TRABD2A: variants seen among roughly 807,000 people sequenced by gnomAD.
TRABD2A encodes the protein metalloprotease TIKI1.
In TRABD2A, 43 loss-of-function variants were observed where a neutral mutation model predicts 45.6. That is an observed-to-expected ratio of 0.94 (90% CI 0.74 to 1.22). TRABD2A has a LOEUF of 1.22. Ranked by LOEUF, TRABD2A falls within the 50% of genes most tolerant of loss-of-function variation. TRABD2A has a pLI of 0.00. For missense variants in TRABD2A, 642 were observed against 652.4 expected (o/e 0.98, Z 0.17); for synonymous variants, 269 against 265.0 (o/e 1.02, Z -0.15).
chr2:84,845,603 A>G (rs962657385), intron 2 of TRABD2A, among the ~76,000 whole-genome samples: 2 of 152,132 alleles, frequency 1.3e-5, no homozygotes, highest in South Asian at 4.2e-4. Flanking sequence ...GCCAACTGTG[A>G]TCCTGAGTTA....
chr2:84,860,413 C>T (rs1453762320), intron 2 of TRABD2A, among the ~76,000 whole-genome samples: 16 of 152,172 alleles, frequency 1.1e-4, no homozygotes, highest in Admixed American at 1.0e-3. Flanking sequence ...GACGTGAAGA[C>T]AGAAGGAGAA....
chr2:84,823,778 T>A (rs1464285848), intron 6 of TRABD2A, among the ~76,000 whole-genome samples, 175 bp downstream of exon 6: 1 of 152,224 alleles, frequency 6.6e-6, no homozygotes, highest in Non-Finnish European at 1.5e-5. Context: ...GCAACTATCT[T>A]AAATCTGGAT....
intron 2 of TRABD2A, among the ~76,000 whole-genome samples, chr2:84,865,768 C>T (rs1035476929): frequency 4.6e-5 from 7 of 152,150 alleles, no homozygotes; most frequent in Non-Finnish European, 1.0e-4. Flanking sequence ...TCCATAGATG[C>T]CTGGTGATGT....
Position 84,872,000 on chromosome 2 carries a change from C to T in TRABD2A, c.109-1215G>A, listed in dbSNP as rs539033921. Among the ~76,000 whole-genome samples, 20 of 152,242 alleles carry T rather than the reference C, an allele frequency of 1.3e-4. 1 individual carries two copies. In the South Asian group the frequency reaches 1.7e-3, roughly 13 times the overall value. On this transcript the variant is annotated intron_variant, in intron 1 of 6. Coordinates refer to ENST00000409520, the MANE Select transcript of TRABD2A (RefSeq NM_001277053.2). ...CCAAGCAGTTGCACATGCTGAGCAG[C>T]GGTGCATGTTCGTCTGAAGCCAGGC...
intron 2 of TRABD2A, among the ~76,000 whole-genome samples, chr2:84,854,064 A>G (rs765733975): frequency 1.6e-4 from 24 of 148,902 alleles, no homozygotes; most frequent in Non-Finnish European, 2.8e-4. Context: ...ATATAAATAT[A>G]TATTATTTAT....
intron 2 of TRABD2A, among the ~76,000 whole-genome samples, chr2:84,857,673 C>T (rs543034262): frequency 1.3e-5 from 2 of 152,244 alleles, no homozygotes; most frequent in East Asian, 1.9e-4. Flanking sequence ...CATGAAGCAA[C>T]TCAATAAGTC....
At chr2:84,832,582 C>G in intron 4 of TRABD2A, 1 of 161,360 alleles carries the variant, frequency 6.2e-6, no homozygotes, top group Non-Finnish European at 1.4e-5. Flanking sequence ...GGTGGATCAC[C>G]TGAAGTCAGG....
At chr2:84,880,485 T>C (rs1205796482) in intron 1 of TRABD2A, among the ~76,000 whole-genome samples, 1 of 152,146 alleles carries the variant, frequency 6.6e-6, no homozygotes, top group Non-Finnish European at 1.5e-5. Flanking sequence ...GCACTGAACA[T>C]ATGAAGGTTA....
rs1250921235 is a variant in TRABD2A, at chr2:84,839,151, G to A, written c.989C>T (p.Ala330Val). Reference protein sequence around the residue: ...PDKGFFFAFGAGHFMGNNTVL... With the variant: ...PDKGFFFAFGVGHFMGNNTVL... ...ATCAGAGGTGACCCACTACTCACCA[G>A]CTCCAAAGGCAAAGAAGAAGCCTTT... is the stretch of plus-strand genomic sequence containing the variant. Residue 330 changes from alanine to valine, a missense_variant and splice_region_variant, in exon 4 of 7, where the codon GCT becomes GTT. Physicochemically the swap from Ala to Val is moderately conservative, Grantham distance 64. Transcript: ENST00000409520. The A allele has an allele frequency of 6.2e-7, 1 of 1,613,718 alleles. No homozygotes were observed. The highest frequency in any genetic ancestry group is 8.5e-7 in the Non-Finnish European group (1 of 1,179,854).
Position 84,870,606 on chromosome 2 carries a change from G to T in TRABD2A, c.288C>A (p.Ile96=). The T allele has an allele frequency of 6.2e-7, 1 of 1,613,564 alleles. No homozygotes were observed. The highest frequency in any genetic ancestry group is 8.5e-7 in the Non-Finnish European group (1 of 1,179,722). The change falls in exon 2 of 7, where the codon ATC becomes ATA. Residue 96 remains isoleucine (I), a synonymous_variant. Transcript: ENST00000409520. ...GCATCTGACAGCTGGTGAGAGCTGA[G>T]ATGGTATAGGGGTCTGTGAGATCCA... ...FELDLTDPYT[I]SALTSCQMLP...
At chr2:84,828,720 T>G (rs1280801197) in intron 5 of TRABD2A, among the ~76,000 whole-genome samples, 1 of 152,236 alleles carries the variant, frequency 6.6e-6, no homozygotes, top group African/African-American at 2.4e-5. Context: ...CTATTTGAGA[T>G]CCCATCATGT....
chr2:84,827,388 C>T (rs1681181117), intron 5 of TRABD2A, among the ~76,000 whole-genome samples: 2 of 152,218 alleles, frequency 1.3e-5, no homozygotes, highest in African/African-American at 4.8e-5. Flanking sequence ...TAAAATTAAC[C>T]TATCCTACCT....
chr2:84,825,260 A>G (rs180901439), intron 5 of TRABD2A, among the ~76,000 whole-genome samples: 3 of 152,166 alleles, frequency 2.0e-5, no homozygotes, highest in Non-Finnish European at 4.4e-5. Flanking sequence ...GGAACCATCT[A>G]CCTTACCAGA....
chr2:84,861,897 G>C (rs1432678758), intron 2 of TRABD2A, among the ~76,000 whole-genome samples: 3 of 152,212 alleles, frequency 2.0e-5, no homozygotes, highest in Non-Finnish European at 2.9e-5. Context: ...TTATGATTCT[G>C]AAGCTCTTGC....
intron 2 of TRABD2A, among the ~76,000 whole-genome samples, chr2:84,851,561 T>A (rs1241687985): frequency 6.6e-6 from 1 of 152,270 alleles, no homozygotes; most frequent in Non-Finnish European, 1.5e-5. Flanking sequence ...TTGTAAGACA[T>A]TTTTAACTAT....
At chr2:84,838,214 G>A (rs1005201007) in intron 4 of TRABD2A, 7 of 717,606 alleles carry the variant, frequency 9.8e-6, no homozygotes, top group African/African-American at 8.7e-5. Context: ...GTAGTTCAAG[G>A]CTCCTGATTT....
At chr2:84,865,408 AAGAGCACCTC>A (rs1290505316) in intron 2 of TRABD2A, among the ~76,000 whole-genome samples, 1 of 152,250 alleles carries the variant, frequency 6.6e-6, no homozygotes, top group African/African-American at 2.4e-5. Flanking sequence ...CAATTCAAAT[AAGAGCACCTC>A]AGCGTCAACT....
chr2:84,877,820 A>G (rs993144367), intron 1 of TRABD2A, among the ~76,000 whole-genome samples: 1 of 152,180 alleles, frequency 6.6e-6, no homozygotes, highest in Non-Finnish European at 1.5e-5. Context: ...ACCTGCAATA[A>G]CTGCACTTTT....
Position 84,879,998 on chromosome 2 carries a change from C to A in TRABD2A, c.108+934G>T, listed in dbSNP as rs994164101. 4.6e-5 allele frequency among the ~76,000 whole-genome samples: 7 copies of A among 151,098 alleles called. No individual in the cohort carries two copies. In the East Asian group the frequency reaches 1.2e-3, roughly 25 times the overall value. On this transcript the variant is annotated intron_variant, in intron 1 of 6. Transcript: ENST00000409520. Reference sequence around the variant, plus strand: ...CCACTCCCTCAACCCACCCCCAACCCCCCCCACCCCCGCGTCGCGGGCGCA... The same window carrying A: ...CCACTCCCTCAACCCACCCCCAACCACCCCCACCCCCGCGTCGCGGGCGCA...
Sources: gnomAD v4.1 joint callset for allele counts (sites outside exome capture counted in the v4.1 genomes callset) on GRCh38, gnomAD v4.1.1 for gene constraint, MANE v1.5 for transcripts, NCBI Gene and HGNC (gene_info 2026-07-23, HGNC 2026-07-21) for gene names.